THSD4: variants seen among roughly 807,000 people sequenced by gnomAD.
THSD4 encodes the protein thrombospondin type 1 domain containing 4.
In THSD4, 69 loss-of-function variants were observed where a neutral mutation model predicts 119.0. That is an observed-to-expected ratio of 0.58 (90% CI 0.48 to 0.71). THSD4 has a LOEUF of 0.71. Ranked by LOEUF, THSD4 falls within the 30% of genes least tolerant of loss-of-function variation. The pLI is 0.00. For synonymous variants in THSD4, 524 were observed against 540.4 expected, an observed-to-expected ratio of 0.97 and a Z score of 0.42; for missense variants, 1,393 against 1,391.1, an observed-to-expected ratio of 1.00 and a Z score of -0.02.
intron 7 of THSD4, among the ~76,000 whole-genome samples, chr15:71,508,297 G>A (rs1314169148): frequency 7.2e-5 from 11 of 152,174 alleles, no homozygotes; most frequent in Admixed American, 7.2e-4. Flanking sequence ...ACCATAAGAA[G>A]CCCAGGCCTA....
intron 1 of THSD4, among the ~76,000 whole-genome samples, chr15:71,108,547 G>T (rs926095492): frequency 1.3e-5 from 2 of 152,198 alleles, no homozygotes; most frequent in African/African-American, 2.4e-5. Flanking sequence ...CTCCACCCAT[G>T]GACTTCCAAG....
chr15:71,451,447 G>A (rs961375245), intron 7 of THSD4, among the ~76,000 whole-genome samples: 2 of 152,150 alleles, frequency 1.3e-5, no homozygotes, highest in Admixed American at 1.3e-4. Context: ...TTGTTTTGCA[G>A]GATCCGTCTT....
chr15:71,336,162 C>A (rs535625023), intron 6 of THSD4, among the ~76,000 whole-genome samples: 3 of 152,348 alleles, frequency 2.0e-5, no homozygotes, highest in African/African-American at 7.2e-5. Flanking sequence ...ACAAAATGCT[C>A]AAGCTTCTAG....
In THSD4 at chr15:71,152,197, C is replaced by A. The variant is rs560257011; in HGVS notation, c.30-2666C>A. Among the ~76,000 whole-genome samples, 9 of 152,020 alleles carry A rather than the reference C, an allele frequency of 5.9e-5. No homozygotes were observed. In the South Asian group the frequency reaches 1.2e-3, roughly 21 times the overall value. On this transcript the variant is annotated intron_variant, in intron 2 of 17. Coordinates refer to ENST00000261862, the MANE Select transcript of THSD4 (RefSeq NM_024817.3). Reference sequence around the variant, plus strand: ...CAGCACTTTGGGAGGCTGAAGTGGGCGGATCACCTGAGGTCAGGAGTTTGA... The same window carrying A: ...CAGCACTTTGGGAGGCTGAAGTGGGAGGATCACCTGAGGTCAGGAGTTTGA...
chr15:71,243,281 T>C (rs544730908), intron 5 of THSD4, among the ~76,000 whole-genome samples, 185 bp downstream of exon 5: 1 of 152,022 alleles, frequency 6.6e-6, no homozygotes, highest in Admixed American at 6.6e-5. Context: ...TTTTTTTTTT[T>C]AAAGTTATTG....
chr15:71,621,739 G>C (rs2050422175), intron 7 of THSD4, among the ~76,000 whole-genome samples: 1 of 152,174 alleles, frequency 6.6e-6, no homozygotes, highest in Non-Finnish European at 1.5e-5. Flanking sequence ...CAAGTCATTT[G>C]CTATGAACAC....
At chr15:71,539,526 C>T (rs768042213) in intron 7 of THSD4, among the ~76,000 whole-genome samples, 1 of 152,104 alleles carries the variant, frequency 6.6e-6, no homozygotes. Flanking sequence ...AGAGGTAGTG[C>T]ACAATTATAT....
chr15:71,673,198 C>T (rs1323155890), intron 8 of THSD4, among the ~76,000 whole-genome samples: 1 of 152,168 alleles, frequency 6.6e-6, no homozygotes, highest in Non-Finnish European at 1.5e-5. Context: ...GATTCAACTT[C>T]TTCCTGGTTT....
intron 6 of THSD4, among the ~76,000 whole-genome samples, chr15:71,311,213 G>A (rs2045106393): frequency 6.6e-6 from 1 of 152,172 alleles, no homozygotes; most frequent in African/African-American, 2.4e-5. Flanking sequence ...GGAGGACAAT[G>A]AGCAAAGGAC....
chr15:71,728,213 T>C (rs1434833903), intron 8 of THSD4, among the ~76,000 whole-genome samples: 1 of 152,204 alleles, frequency 6.6e-6, no homozygotes, highest in Admixed American at 6.5e-5. Flanking sequence ...TGGTATATAA[T>C]ATAAATACGT....
intron 7 of THSD4, among the ~76,000 whole-genome samples, chr15:71,617,808 A>G (rs892872220): frequency 1.3e-5 from 2 of 152,268 alleles, no homozygotes; most frequent in Non-Finnish European, 2.9e-5. Context: ...ATTTAATAAC[A>G]CTAACAGCTC....
chr15:71,329,425 C>T (rs964410442), intron 6 of THSD4, among the ~76,000 whole-genome samples: 7 of 152,192 alleles, frequency 4.6e-5, no homozygotes, highest in African/African-American at 1.7e-4. Flanking sequence ...GTGACCCACA[C>T]TGCTTATAAC....
chr15:71,321,493 G>A (rs760242698), intron 6 of THSD4, among the ~76,000 whole-genome samples: 3 of 152,114 alleles, frequency 2.0e-5, no homozygotes, highest in Non-Finnish European at 4.4e-5. Flanking sequence ...CCAAGATGGC[G>A]CCATTGCACT....
intron 6 of THSD4, among the ~76,000 whole-genome samples, chr15:71,279,890 G>A (rs956952181): frequency 1.3e-5 from 2 of 152,166 alleles, no homozygotes; most frequent in Admixed American, 6.5e-5. Context: ...AGAGCAATGG[G>A]CAAAGGACAC....
intron 7 of THSD4, among the ~76,000 whole-genome samples, chr15:71,542,826 G>C (rs560908685): frequency 6.6e-6 from 1 of 151,074 alleles, no homozygotes; most frequent in African/African-American, 2.4e-5. Flanking sequence ...GCAGTGAGCC[G>C]AGATTGTGCC....
intron 2 of THSD4, among the ~76,000 whole-genome samples, chr15:71,153,567 A>T (rs1334003363): frequency 1.3e-5 from 2 of 152,172 alleles, no homozygotes; most frequent in Non-Finnish European, 2.9e-5. Context: ...CTCCTGGGTC[A>T]CTTACATACA....
At chr15:71,623,201 C>T (rs1161479588) in intron 7 of THSD4, among the ~76,000 whole-genome samples, 5 of 152,142 alleles carry the variant, frequency 3.3e-5, no homozygotes, top group African/African-American at 1.2e-4. Context: ...TTATAATAAT[C>T]AAGGAGCAAA....
intron 1 of THSD4, among the ~76,000 whole-genome samples, chr15:71,134,917 C>T (rs1235682539): frequency 6.7e-6 from 1 of 150,016 alleles, no homozygotes; most frequent in Non-Finnish European, 1.5e-5. Flanking sequence ...CACATGCACA[C>T]GTATGTTTAT....
intron 7 of THSD4, among the ~76,000 whole-genome samples, chr15:71,608,534 T>A (rs987662472): frequency 6.6e-6 from 1 of 152,346 alleles, no homozygotes; most frequent in Non-Finnish European, 1.5e-5. Flanking sequence ...TTGAGTTGTT[T>A]CCAGTTTTCT....
Sources: allele counts gnomAD v4.1 joint callset (sites outside exome capture counted in the v4.1 genomes callset), GRCh38; gene constraint gnomAD v4.1.1; transcripts MANE v1.5; gene names NCBI Gene and HGNC (gene_info 2026-07-23, HGNC 2026-07-21).